Variants in PDE10A observed in about 807,000 individuals in gnomAD.
PDE10A encodes cAMP and cAMP-inhibited cGMP 3',5'-cyclic phosphodiesterase 10A.
PDE10A carries 39 observed loss-of-function variants against 97.7 expected under a neutral mutation model. That is an observed-to-expected ratio of 0.40 (90% CI 0.31 to 0.52). The LOEUF (loss-of-function observed/expected upper bound fraction) is 0.52. Among genes scored for constraint, PDE10A ranks in the 20% least tolerant of loss-of-function variants. The probability of loss-of-function intolerance (pLI) is 0.56; values close to 1 mark genes in which losing one functional copy is unlikely to be tolerated. For missense variants in PDE10A, 731 were observed against 1,047.8 expected (o/e 0.70, Z 4.17); for synonymous variants, 371 against 376.8 (o/e 0.98, Z 0.18).
chr6:165,373,487 T>C (rs1382403359), intron 18 of PDE10A, among the ~76,000 whole-genome samples: 1 of 152,138 alleles, frequency 6.6e-6, no homozygotes, highest in African/African-American at 2.4e-5. Flanking sequence ...AAAATGCTCA[T>C]CATGACTGGC....
intron 20 of PDE10A, among the ~76,000 whole-genome samples, chr6:165,338,188 A>G (rs9459373): frequency 0.12 from 17,878 of 152,252 alleles, 1,323 homozygotes; most frequent in Middle Eastern, 0.21. Flanking sequence ...AAGTGGAGGC[A>G]ATGGCCATTC....
At chr6:165,522,219 C>G (rs542559140) in intron 2 of PDE10A, among the ~76,000 whole-genome samples, 2 of 151,984 alleles carry the variant, frequency 1.3e-5, no homozygotes, top group Admixed American at 6.6e-5. Context: ...AACAGATGTA[C>G]AAATAAGAGC....
chr6:165,448,938 T>A lies in PDE10A; in HGVS notation c.1184A>T (p.Glu395Val), dbSNP rs1791072666. 1.2e-6 allele frequency: 2 copies of A among 1,608,254 alleles called. No individual in the cohort carries two copies. The highest frequency in any genetic ancestry group is 1.7e-5 in the Admixed American group (1 of 59,852). The change falls in exon 5 of 22, where the codon GAG becomes GTG. Residue 395 changes from glutamate (E) to valine (V), a missense_variant. Coordinates refer to ENST00000539869, the MANE Select transcript of PDE10A (RefSeq NM_001385079.1). ...ADGFALYFLGECNNSLCIFTP... is the reference protein window; with the variant it reads ...ADGFALYFLGVCNNSLCIFTP... ...AATTTAGATACTTACATTATTGCAC[T>A]CTCCAAGGAAATACAGTGCAAATCC...
At chr6:165,839,877 ACC>A (rs1780182887) in intron 1 of PDE10A, among the ~76,000 whole-genome samples, 14 of 47,398 alleles carry the variant, frequency 3.0e-4, no homozygotes, top group African/African-American at 1.1e-3. Flanking sequence ...TCCCATCTGC[ACC>A]TCTGTCTCCA....
chr6:165,637,647 G>C (rs1319716518), intron 1 of PDE10A, among the ~76,000 whole-genome samples: 1 of 152,150 alleles, frequency 6.6e-6, no homozygotes, highest in Non-Finnish European at 1.5e-5. Flanking sequence ...AGTGGCAAAA[G>C]GTTCTGCGTC....
chr6:165,576,314 T>G, intron 1 of PDE10A: 1 of 715,030 alleles, frequency 1.4e-6, no homozygotes, highest in East Asian at 2.5e-5. Context: ...TTTAATGAAT[T>G]GGCAGATCAA....
intron 1 of PDE10A, among the ~76,000 whole-genome samples, chr6:165,687,585 GA>G (rs1391617557): frequency 6.6e-6 from 1 of 152,134 alleles, no homozygotes; most frequent in African/African-American, 2.4e-5. Context: ...AGGAGCAACT[GA>G]AAAACGATTC....
At chr6:165,542,660 C>T (rs1368468563) in intron 2 of PDE10A, among the ~76,000 whole-genome samples, 3 of 134,080 alleles carry the variant, frequency 2.2e-5, no homozygotes, top group Non-Finnish European at 3.1e-5. Flanking sequence ...GCTCTGTTGC[C>T]CAGGCTGGAG....
intron 13 of PDE10A, 43 bp from the exon 14 acceptor site, chr6:165,396,502 A>C: frequency 6.4e-7 from 1 of 1,559,076 alleles, no homozygotes; most frequent in Non-Finnish European, 8.7e-7. Context: ...AATTAAAAGA[A>C]TATTTAAACT....
exon 1 of PDE10A, chr6:165,987,797 G>T (rs1187578580): frequency 6.7e-6 from 3 of 449,028 alleles, no homozygotes; most frequent in East Asian, 7.0e-5. Flanking sequence ...CGATCTTCTC[G>T]CAAAAGGCGA....
At chr6:165,645,381 T>C (rs1789342667) in intron 1 of PDE10A, among the ~76,000 whole-genome samples, 1 of 152,152 alleles carries the variant, frequency 6.6e-6, no homozygotes, top group Non-Finnish European at 1.5e-5. Context: ...TATCTCAGGC[T>C]CTGTGGGCAA....
intron 18 of PDE10A, among the ~76,000 whole-genome samples, chr6:165,372,857 C>T (rs1407746665): frequency 6.6e-6 from 1 of 151,760 alleles, no homozygotes; most frequent in Non-Finnish European, 1.5e-5. Context: ...ACCAAAACAG[C>T]ATGGTACTGG....
At chr6:165,902,539 C>G (rs1175834220) in intron 1 of PDE10A, among the ~76,000 whole-genome samples, 1 of 152,200 alleles carries the variant, frequency 6.6e-6, no homozygotes, top group Non-Finnish European at 1.5e-5. Flanking sequence ...CCTCACAGAA[C>G]TGGCTCTCTT....
intron 1 of PDE10A, among the ~76,000 whole-genome samples, chr6:165,820,247 GT>G (rs1779532175): frequency 6.6e-6 from 1 of 152,152 alleles, no homozygotes; most frequent in African/African-American, 2.4e-5. Flanking sequence ...ACAAAGGGTG[GT>G]TTTTATTTTC....
chr6:165,579,130 G>A (rs942975753), intron 1 of PDE10A, among the ~76,000 whole-genome samples: 77 of 152,272 alleles, frequency 5.1e-4, no homozygotes, highest in African/African-American at 1.8e-3. Flanking sequence ...AAGAAGTGAA[G>A]GATAGCTGCT....
In PDE10A at chr6:165,662,675, C is replaced by T. The variant is rs1185905312; in HGVS notation, c.137G>A (p.Gly46Asp). The T allele has an allele frequency of 7.0e-6, 1 of 143,266 alleles. No individual in the cohort carries two copies. Among genetic ancestry groups the T allele is most frequent in the African/African-American group, 2.5e-5 (1 of 39,966 alleles). 8.9% of individuals were successfully genotyped at this position (143,266 alleles called of 1,614,324 possible). The change falls in exon 1 of 22, where the codon GGC becomes GAC. Residue 46 changes from glycine (G) to aspartate (D), a missense_variant. Gly to Asp is a moderately conservative substitution (Grantham distance 94, BLOSUM62 -1). Transcript: ENST00000539869. ...LSAAGGGSAA[G>D]PGPAPEWPGR... ...AGGCCACTCGGGGGCCGGGCCCGGGCCCGCCGCGCTCCCCCCGCCGGCCGC... is the reference window on the plus strand; with the variant it reads ...AGGCCACTCGGGGGCCGGGCCCGGGTCCGCCGCGCTCCCCCCGCCGGCCGC...
intron 1 of PDE10A, among the ~76,000 whole-genome samples, chr6:165,890,986 C>T (rs906412433): frequency 2.6e-5 from 4 of 152,176 alleles, no homozygotes; most frequent in Non-Finnish European, 5.9e-5. Context: ...AATGATTTTT[C>T]CCACAACCTT....
intron 1 of PDE10A, among the ~76,000 whole-genome samples, chr6:165,693,392 G>T (rs558613723): frequency 6.6e-6 from 1 of 151,834 alleles, no homozygotes; most frequent in Non-Finnish European, 1.5e-5. Flanking sequence ...TTTGCTGGGC[G>T]TGGTGGTGGA....
chr6:165,398,664 T>A (rs1786382523), intron 13 of PDE10A, among the ~76,000 whole-genome samples: 1 of 152,132 alleles, frequency 6.6e-6, no homozygotes, highest in African/African-American at 2.4e-5. Flanking sequence ...ATATTACCAA[T>A]ATGGGTTCAA....
Sources: gnomAD v4.1 joint callset for allele counts (sites outside exome capture counted in the v4.1 genomes callset) on GRCh38, gnomAD v4.1.1 for gene constraint, MANE v1.5 for transcripts, NCBI Gene and HGNC (gene_info 2026-07-23, HGNC 2026-07-21) for gene names.